DNER: variants seen among roughly 807,000 people sequenced by gnomAD.
The protein encoded by DNER is delta and Notch-like epidermal growth factor-related receptor.
In DNER, 33 loss-of-function variants were observed where a neutral mutation model predicts 78.2. The ratio of observed to expected loss-of-function variants is 0.42; its 90% confidence interval spans 0.32 to 0.56. DNER has a LOEUF of 0.56. Ranked by LOEUF, DNER falls within the 20% of genes least tolerant of loss-of-function variation. The pLI, the probability that DNER is intolerant of heterozygous loss-of-function variation, is 0.11. For synonymous variants in DNER, 417 were observed against 384.8 expected (o/e 1.08, Z -0.98); for missense variants, 918 against 975.3 (o/e 0.94, Z 0.78).
intron 1 of DNER, among the ~76,000 whole-genome samples, chr2:229,606,910 CA>C (rs1358932665): frequency 2.7e-5 from 4 of 148,264 alleles, no homozygotes; most frequent in Non-Finnish European, 6.0e-5. Flanking sequence ...CCACCACCAC[CA>C]ACAACAACAA....
At chr2:229,480,052 A>T (rs1337179770) in intron 6 of DNER, among the ~76,000 whole-genome samples, 4 of 152,214 alleles carry the variant, frequency 2.6e-5, no homozygotes, top group Admixed American at 6.5e-5. Context: ...AGAGATGTAC[A>T]TCCCCACCAG....
chr2:229,665,085 T>C (rs932464623), intron 1 of DNER, among the ~76,000 whole-genome samples: 1 of 152,162 alleles, frequency 6.6e-6, no homozygotes, highest in African/African-American at 2.4e-5. Flanking sequence ...AATATAAACT[T>C]CATTAGGGCT....
rs371369147 is a variant in DNER, at chr2:229,514,015, C to T, written c.994-1079G>A. The stretch of plus-strand genomic sequence containing the variant: ...ATAAGTACAACCCACTGCCTGCCTT[C>T]CCCTTGAAGAGAAAAGGGTTATCCA... On this transcript the variant is annotated intron_variant, in intron 5 of 12. Transcript: ENST00000341772. Among the ~76,000 whole-genome samples, 5 of 152,204 alleles carry T rather than the reference C, an allele frequency of 3.3e-5. 1 individual carries two copies. The highest frequency in any genetic ancestry group is 1.2e-4 in the African/African-American group (5 of 41,530).
intron 8 of DNER, among the ~76,000 whole-genome samples, chr2:229,446,604 A>G (rs1328027075): frequency 6.6e-6 from 1 of 152,192 alleles, no homozygotes; most frequent in Middle Eastern, 3.2e-3. Flanking sequence ...GGAGACATAC[A>G]CAGAATAGAA....
intron 7 of DNER, among the ~76,000 whole-genome samples, chr2:229,465,487 G>C (rs899418375): frequency 5.9e-5 from 9 of 152,112 alleles, no homozygotes; most frequent in African/African-American, 2.2e-4. Flanking sequence ...TTAATACCTA[G>C]GTGATGGGTT....
chr2:229,456,256 T>A (rs1443768960), intron 7 of DNER, among the ~76,000 whole-genome samples: 3 of 151,576 alleles, frequency 2.0e-5, no homozygotes, highest in Non-Finnish European at 4.4e-5. Context: ...CACACACTTG[T>A]AAACAACCAG....
At chr2:229,431,933 A>G (rs1694015853) in intron 8 of DNER, among the ~76,000 whole-genome samples, 2 of 152,232 alleles carry the variant, frequency 1.3e-5, no homozygotes, top group South Asian at 4.1e-4. Context: ...ATTTCTCTAC[A>G]GCTTGCAAAT....
intron 1 of DNER, among the ~76,000 whole-genome samples, chr2:229,639,709 TA>T (rs1312140908): frequency 1.6e-4 from 24 of 152,312 alleles, no homozygotes; most frequent in African/African-American, 5.8e-4. Context: ...AATGCTCAGA[TA>T]AGACTGGGGC....
At chr2:229,434,806 C>A (rs1694086400) in intron 8 of DNER, among the ~76,000 whole-genome samples, 1 of 151,926 alleles carries the variant, frequency 6.6e-6, no homozygotes, top group African/African-American at 2.4e-5. Context: ...CTTGAGTAGG[C>A]AAGTTCAGGG....
At chr2:229,586,137 C>G in intron 3 of DNER, 113 bp from the exon 4 acceptor site, 2 of 1,303,040 alleles carry the variant, frequency 1.5e-6, no homozygotes, top group South Asian at 1.6e-5. Context: ...ACCAAGGTAC[C>G]AGGAGATCGA....
rs1162899815 is a variant in DNER, at chr2:229,515,639, A to ATTTT, written c.994-2707_994-2704dup. 8.4e-5 allele frequency among the ~76,000 whole-genome samples: 6 copies of ATTTT among 71,566 alleles called. 1 individual carries two copies. Among genetic ancestry groups the ATTTT allele is most frequent in the Non-Finnish European group, 2.1e-4 (6 of 28,654 alleles). 47.0% of individuals were successfully genotyped at this position (71,566 alleles called of 152,430 possible). A position where few individuals can be genotyped will look rare whatever the true frequency, so the allele number is the denominator to read the frequency against. The stretch of plus-strand genomic sequence containing the variant: ...AATCAAATATCTTCAAGTTAGCTTT[A>ATTTT]TTTTTTTATTTTTTTTTTTTTGAGA... On this transcript the variant is annotated intron_variant, in intron 5 of 12. Coordinates refer to ENST00000341772, the MANE Select transcript of DNER (RefSeq NM_139072.4).
chr2:229,673,644 C>T (rs1219175690), intron 1 of DNER, among the ~76,000 whole-genome samples: 3 of 152,154 alleles, frequency 2.0e-5, no homozygotes, highest in Non-Finnish European at 2.9e-5. Context: ...GACCCATGGC[C>T]GATCATTCCT....
At position 229,590,929 on chromosome 2, in the gene DNER, G is replaced by A. The variant is rs141149104; in HGVS notation, c.585+651C>T. Among the ~76,000 whole-genome samples, 29 of 152,320 alleles carry A rather than the reference G, an allele frequency of 1.9e-4. 1 individual carries two copies. In the East Asian group the frequency reaches 5.6e-3, roughly 29 times the overall value. On this transcript the variant is annotated intron_variant, in intron 2 of 12. Coordinates refer to ENST00000341772, the MANE Select transcript of DNER (RefSeq NM_139072.4). ...TCCCCTTGGTGATAAGTGAGTTCAG[G>A]TGAGATTGGATTGTTTTCTGGGACC...
chr2:229,550,137 T>A (rs1261016199), intron 4 of DNER, among the ~76,000 whole-genome samples: 1 of 150,500 alleles, frequency 6.6e-6, no homozygotes, highest in East Asian at 2.0e-4. Context: ...GGATTACATA[T>A]ACGCGCCACC....
chr2:229,535,667 A>T (rs929922114), intron 5 of DNER, among the ~76,000 whole-genome samples: 48 of 151,906 alleles, frequency 3.2e-4, no homozygotes, highest in African/African-American at 1.1e-3. Context: ...TTTCTGAGAC[A>T]GAGTCTCACT....
At chr2:229,544,156 A>G (rs1162953036) in intron 5 of DNER, among the ~76,000 whole-genome samples, 3 of 152,236 alleles carry the variant, frequency 2.0e-5, no homozygotes, top group African/African-American at 7.2e-5. Flanking sequence ...CTCTCATAGA[A>G]GAACACTGAG....
intron 9 of DNER, among the ~76,000 whole-genome samples, chr2:229,417,443 T>C (rs991276279): frequency 1.3e-5 from 2 of 152,208 alleles, no homozygotes; most frequent in African/African-American, 4.8e-5. Flanking sequence ...CAGGGCCGTC[T>C]GAGGATATCT....
intron 6 of DNER, among the ~76,000 whole-genome samples, chr2:229,502,302 G>A (rs574802051): frequency 1.3e-5 from 2 of 152,316 alleles, no homozygotes; most frequent in African/African-American, 2.4e-5. Flanking sequence ...CTCCCTTGAG[G>A]AGGCCACCTG....
chr2:229,400,047 A>C (rs1693234830), intron 10 of DNER, among the ~76,000 whole-genome samples: 1 of 152,068 alleles, frequency 6.6e-6, no homozygotes, highest in African/African-American at 2.4e-5. Flanking sequence ...GTTTTCCACA[A>C]GGGTATAAGT....
Sources: allele counts gnomAD v4.1 joint callset (sites outside exome capture counted in the v4.1 genomes callset), GRCh38; gene constraint gnomAD v4.1.1; transcripts MANE v1.5; gene names NCBI Gene and HGNC (gene_info 2026-07-23, HGNC 2026-07-21).